The following LMBR1 variants were observed in gnomAD, a reference collection of about 807,000 sequenced individuals.
The protein encoded by LMBR1 is limb region 1 protein homolog.
A neutral mutation model predicts 73.9 loss-of-function variants in LMBR1; 52 were observed. The observed-to-expected ratio is 0.70, with a 90% confidence interval of 0.56 to 0.89. LMBR1 has a LOEUF of 0.89. LMBR1 is among the 40% of genes least tolerant of loss of function. The pLI is 0.00. For missense variants in LMBR1, 539 were observed against 579.8 expected, an observed-to-expected ratio of 0.93 and a Z score of 0.72; for synonymous variants, 215 against 209.4, an observed-to-expected ratio of 1.03 and a Z score of -0.23.
intron 1 of LMBR1, among the ~76,000 whole-genome samples, chr7:156,882,586 G>A (rs1801262726): frequency 6.6e-6 from 1 of 152,224 alleles, no homozygotes; most frequent in Non-Finnish European, 1.5e-5. Context: ...GACTCAAAGA[G>A]TGTAAATGGT....
rs985373778 is a variant in LMBR1, at chr7:156,883,756, C to A, written c.66+9172G>T. Among the ~76,000 whole-genome samples, 9 of 152,148 alleles carry A rather than the reference C, an allele frequency of 5.9e-5. 1 individual carries two copies. Among genetic ancestry groups the A allele is most frequent in the Admixed American group, 5.9e-4 (9 of 15,272 alleles). ...CTTGGCTCATGGTCCCTCCTCCTTC[C>A]TCAAAGGGCATCACTCCAACTCTGC... On this transcript the variant is annotated intron_variant, in intron 1 of 16. Coordinates refer to ENST00000353442, the MANE Select transcript of LMBR1 (RefSeq NM_022458.4).
intron 9 of LMBR1, among the ~76,000 whole-genome samples, chr7:156,737,232 G>A (rs1334458030): frequency 6.6e-6 from 1 of 152,082 alleles, no homozygotes; most frequent in Non-Finnish European, 1.5e-5. Context: ...AAAAAATCAA[G>A]GTCAAAACTA....
chr7:156,819,516 G>T (rs1418917920), intron 4 of LMBR1, among the ~76,000 whole-genome samples: 2 of 152,088 alleles, frequency 1.3e-5, no homozygotes, highest in African/African-American at 4.8e-5. Context: ...CAACATGAAA[G>T]TACTAGAACA....
chr7:156,806,949 G>A (rs773185156), intron 4 of LMBR1, among the ~76,000 whole-genome samples: 6 of 151,940 alleles, frequency 3.9e-5, no homozygotes, highest in Non-Finnish European at 8.8e-5. Flanking sequence ...CCCATTTCAG[G>A]CCTACTTTGC....
chr7:156,794,551 T>C (rs1303527819), intron 5 of LMBR1, among the ~76,000 whole-genome samples: 1 of 152,180 alleles, frequency 6.6e-6, no homozygotes. Context: ...AGAAAATAAC[T>C]TGGAGGCAAA....
chr7:156,698,076 T>C (rs753593041), intron 15 of LMBR1, among the ~76,000 whole-genome samples: 4 of 152,190 alleles, frequency 2.6e-5, no homozygotes, highest in Non-Finnish European at 5.9e-5. Flanking sequence ...AGGACAAAGA[T>C]GCTACAGGCC....
chr7:156,825,982 T>C (rs1240018465), intron 4 of LMBR1, among the ~76,000 whole-genome samples: 1 of 152,172 alleles, frequency 6.6e-6, no homozygotes, highest in Non-Finnish European at 1.5e-5. Context: ...ATAGCTGCTG[T>C]TTTTTAGTTC....
At chr7:156,887,485 A>C (rs1490090970) in intron 1 of LMBR1, among the ~76,000 whole-genome samples, 1 of 149,482 alleles carries the variant, frequency 6.7e-6, no homozygotes, top group Non-Finnish European at 1.5e-5. Flanking sequence ...AAAAAAAAAA[A>C]GTTAAACACT....
intron 1 of LMBR1, among the ~76,000 whole-genome samples, chr7:156,842,407 T>C (rs1172833886): frequency 6.6e-6 from 1 of 152,094 alleles, no homozygotes; most frequent in Non-Finnish European, 1.5e-5. Context: ...CGTTATATTA[T>C]TTTTTACTTT....
intron 16 of LMBR1, among the ~76,000 whole-genome samples, chr7:156,687,487 T>C (rs1446392830): frequency 6.6e-6 from 1 of 152,224 alleles, no homozygotes; most frequent in Admixed American, 6.5e-5. Flanking sequence ...TTTAACACCA[T>C]TACAATACAT....
chr7:156,695,530 G>A (rs1391175323), intron 15 of LMBR1, among the ~76,000 whole-genome samples: 2 of 152,052 alleles, frequency 1.3e-5, no homozygotes, highest in South Asian at 2.1e-4. Flanking sequence ...GCCGGTGCAG[G>A]AGCAAAGGGT....
chr7:156,844,611 G>C (rs1341133182), intron 1 of LMBR1, among the ~76,000 whole-genome samples: 1 of 126,708 alleles, frequency 7.9e-6, no homozygotes, highest in Non-Finnish European at 1.6e-5. Flanking sequence ...AAGTACACCT[G>C]AATGAAAAAA....
Position 156,762,172 on chromosome 7 carries a change from T to C in LMBR1, c.646A>G (p.Met216Val). ...AGCAACTGACCCATCACTGTGAACA[T>C]ACGAGAAAGGCCAACTGGTGTACAC... is the stretch of plus-strand genomic sequence containing the variant. ...LLCTPVGLSR[M>V]FTVMGQLLVK... is the part of the protein sequence containing the mutation. Residue 216 changes from methionine (M) to valine (V), a missense_variant, in exon 8 of 17, where the codon ATG (methionine) becomes GTG (valine). By Grantham distance (21) the Met-to-Val change is conservative. Coordinates refer to ENST00000353442, the MANE Select transcript of LMBR1 (RefSeq NM_022458.4). The C allele has an allele frequency of 1.9e-6, 3 of 1,610,756 alleles. No homozygotes were observed. Among genetic ancestry groups the C allele is most frequent in the South Asian group, 1.1e-5 (1 of 90,942 alleles).
intron 1 of LMBR1, among the ~76,000 whole-genome samples, chr7:156,841,265 T>C (rs1838658905): frequency 6.6e-6 from 1 of 152,158 alleles, no homozygotes; most frequent in Non-Finnish European, 1.5e-5. Context: ...CTTAACACTG[T>C]TGAATCTGAC....
rs1354880396 is a variant in LMBR1 at position 156,688,170 on chromosome 7, A to G, written c.1247T>C (p.Leu416Pro). The G allele has an allele frequency of 6.2e-7, 1 of 1,602,234 alleles. No homozygotes were observed. The highest frequency in any genetic ancestry group is 8.5e-7 in the Non-Finnish European group (1 of 1,175,906). Residue 416 changes from leucine (L) to proline (P), a missense_variant, in exon 16 of 17, where the codon CTT (leucine) becomes CCT (proline). Leu to Pro is a moderately conservative substitution (Grantham distance 98, BLOSUM62 -3). This residue lies in a region of LMBR1 where 16 missense variants were observed against 37.9 expected (regional missense o/e 0.42). Transcript: ENST00000353442. The stretch of plus-strand genomic sequence containing the variant: ...CCAATTAAACCTTCCAAAGTCGCCA[A>G]GTAGATCAAATCTAGTGATTCCTGT... ...RTLGITRFDL[L>P]GDFGRFNWLG...
Position 156,670,930 on chromosome 7 carries a change from A to ATT in LMBR1, n.867-1644_867-1643insAA, listed in dbSNP as rs1802344944. ...AGTAAATCTAATAGACATTGATTCCACCGAACAAGAAAACTCATGTCTCAG... is the reference window on the plus strand; with the variant it reads ...AGTAAATCTAATAGACATTGATTCCATTCCGAACAAGAAAACTCATGTCTCAG... On this transcript the variant is annotated intron_variant and non_coding_transcript_variant, in intron 4 of 4. Coordinates refer to the LMBR1 transcript ENST00000430825. The surrounding 1 kb of genome is among the most constrained non-coding windows in gnomAD (Gnocchi z 4.3). 6.6e-6 allele frequency among the ~76,000 whole-genome samples: 1 copy of ATT among 152,236 alleles called. No individual in the cohort carries two copies. Among genetic ancestry groups the ATT allele is most frequent in the African/African-American group, 2.4e-5 (1 of 41,464 alleles).
At position 156,678,688 on chromosome 7, in the gene LMBR1, C is replaced by T. The variant is rs917348710; in HGVS notation, c.*5390G>A. 7 of 152,164 alleles carry T rather than the reference C, an allele frequency of 4.6e-5. No homozygotes were observed. The highest frequency in any genetic ancestry group is 8.8e-5 in the Non-Finnish European group (6 of 68,048). 9.4% of individuals were successfully genotyped at this position (152,164 alleles called of 1,614,324 possible). A position where few individuals can be genotyped will look rare whatever the true frequency, so the allele number is the denominator to read the frequency against. ...GCCCTGTCTGCTGCCCTCATTGTGT[C>T]TTCCTGGTCAGCTACAGCAGTCCCT... is the stretch of plus-strand genomic sequence containing the variant. On this transcript the variant is annotated 3_prime_UTR_variant, in exon 17 of 17. Coordinates refer to ENST00000353442, the MANE Select transcript of LMBR1 (RefSeq NM_022458.4).
intron 15 of LMBR1, among the ~76,000 whole-genome samples, chr7:156,701,138 T>G (rs978368111): frequency 2.0e-5 from 3 of 152,074 alleles, no homozygotes; most frequent in Non-Finnish European, 4.4e-5. Context: ...GAGATATGGG[T>G]GGGGACACAG....
chr7:156,842,893 A>AT (rs1379290216), intron 1 of LMBR1, among the ~76,000 whole-genome samples: 8 of 152,112 alleles, frequency 5.3e-5, no homozygotes, highest in African/African-American at 1.9e-4. Flanking sequence ...ATTCTAACAG[A>AT]TATCCTAGCT....
Sources: allele counts gnomAD v4.1 joint callset (sites outside exome capture counted in the v4.1 genomes callset), GRCh38; gene constraint gnomAD v4.1.1; regional missense constraint gnomAD v4.1.1; non-coding constraint Gnocchi (gnomAD v3.1); transcripts MANE v1.5; gene names NCBI Gene and HGNC (gene_info 2026-07-23, HGNC 2026-07-21).